The following SERPINB8 variants were observed in gnomAD, a reference collection of about 807,000 sequenced individuals.
SERPINB8 encodes serpin family B member 8.
SERPINB8 carries 25 observed loss-of-function variants against 35.3 expected under a neutral mutation model. The observed-to-expected ratio is 0.71, with a 90% CI of 0.52 to 0.99. SERPINB8 has a LOEUF of 0.99. Among genes scored for constraint, SERPINB8 ranks in the 50% least tolerant of loss-of-function variants. SERPINB8 has a pLI of 0.00. For missense variants in SERPINB8, 484 were observed against 446.5 expected (o/e 1.08, Z -0.76); for synonymous variants, 186 against 160.8 (o/e 1.16, Z -1.19).
At chr18:63,993,769 G>A (rs993053320), downstream of SERPINB8, among the ~76,000 whole-genome samples, 1 of 152,216 alleles carries the variant, frequency 6.6e-6, no homozygotes. Flanking sequence ...GTGGGGGGAA[G>A]CTGCCCTGCT....
In SERPINB8 at chr18:63,978,432, G is replaced by T. The variant is rs368523180; in HGVS notation, c.124G>T (p.Val42Phe). The T allele has an allele frequency of 1.1e-5, 17 of 1,614,076 alleles. No individual in the cohort carries two copies. The highest frequency in any genetic ancestry group is 1.4e-5 in the Non-Finnish European group (17 of 1,180,030). The stretch of plus-strand genomic sequence containing the variant: ...GAGCATCTCCTCTGCCCTGGCCATG[G>T]TCTTCATGGGGGCAAAGGGAAGCAC... ...PMSISSALAMVFMGAKGSTAA... is the reference protein window; with the variant it reads ...PMSISSALAMFFMGAKGSTAA... Residue 42 changes from valine to phenylalanine, a missense_variant, in exon 2 of 7, where the codon GTC becomes TTC. Coordinates refer to ENST00000397985, the MANE Select transcript of SERPINB8 (RefSeq NM_002640.4).
chr18:64,003,032 T>G (rs2050883538), intron 1 of SERPINB8, among the ~76,000 whole-genome samples: 1 of 152,138 alleles, frequency 6.6e-6, no homozygotes, highest in African/African-American at 2.4e-5. Flanking sequence ...CATTTCCATC[T>G]CCTCTCCTCG....
chr18:63,999,272 T>A (rs2050863630), intron 1 of SERPINB8, among the ~76,000 whole-genome samples: 1 of 152,144 alleles, frequency 6.6e-6, no homozygotes, highest in South Asian at 2.1e-4. Context: ...CATATGTAAA[T>A]CTTTGGCTGC....
chr18:64,011,150 A>G (rs1251465058), intron 7 of SERPINB8, among the ~76,000 whole-genome samples: 2 of 152,086 alleles, frequency 1.3e-5, no homozygotes, highest in Non-Finnish European at 1.5e-5. Context: ...AAAGACAAAA[A>G]TCTTTTAGAT....
At chr18:63,990,842 A>G (rs1484355787), downstream of SERPINB8, among the ~76,000 whole-genome samples, 2 of 152,190 alleles carry the variant, frequency 1.3e-5, no homozygotes, top group Non-Finnish European at 2.9e-5. Flanking sequence ...TTTTGTTGTC[A>G]TATTGAAGGA....
intron 1 of SERPINB8, among the ~76,000 whole-genome samples, chr18:64,001,255 T>G (rs936343022): frequency 1.3e-5 from 2 of 152,162 alleles, no homozygotes; most frequent in African/African-American, 4.8e-5. Context: ...AGGAAGTGAA[T>G]TTTTTTATAA....
Position 63,997,000 on chromosome 18 carries a change from C to A in SERPINB8, c.71-7819C>A, listed in dbSNP as rs543182733. On this transcript the variant is annotated intron_variant, in intron 1 of 1. Coordinates refer to the SERPINB8 transcript ENST00000493661. Reference sequence around the variant, plus strand: ...TACCACAGCCATCCAAGTACCCTCCCTTCCCCTGGACCCCATGGATCCACA... The same window carrying A: ...TACCACAGCCATCCAAGTACCCTCCATTCCCCTGGACCCCATGGATCCACA... 1.1e-4 allele frequency among the ~76,000 whole-genome samples: 17 copies of A among 152,356 alleles called. 1 individual carries two copies. In the South Asian group the frequency reaches 3.1e-3, roughly 28 times the overall value.
chr18:63,985,071 C>A, intron 5 of SERPINB8, 22 bp from the exon 6 acceptor site: 2 of 1,611,846 alleles, frequency 1.2e-6, no homozygotes, highest in South Asian at 1.1e-5. Context: ...TTTCAGTAAT[C>A]GAACTTTAAT....
chr18:63,980,176 C>G (rs768784655), intron 3 of SERPINB8, among the ~76,000 whole-genome samples: 7 of 152,106 alleles, frequency 4.6e-5, no homozygotes, highest in Non-Finnish European at 1.0e-4. Flanking sequence ...CCTGCTTCTC[C>G]CCCTTAATTC....
At chr18:63,982,647 T>C (rs1202468988) in intron 4 of SERPINB8, among the ~76,000 whole-genome samples, 1 of 152,114 alleles carries the variant, frequency 6.6e-6, no homozygotes, top group African/African-American at 2.4e-5. Flanking sequence ...GGAAGAGCCT[T>C]TTGTGTTTTC....
chr18:63,998,122 A>G (rs546861778), intron 1 of SERPINB8, among the ~76,000 whole-genome samples: 1 of 152,316 alleles, frequency 6.6e-6, no homozygotes, highest in South Asian at 2.1e-4. Flanking sequence ...CTGCTCAGGG[A>G]CAGATCCTTC....
intron 1 of SERPINB8, among the ~76,000 whole-genome samples, chr18:63,997,237 G>A (rs1034283741): frequency 5.9e-5 from 9 of 152,212 alleles, no homozygotes; most frequent in Non-Finnish European, 8.8e-5. Flanking sequence ...CGTGACTCAC[G>A]GCTGTGACAT....
intron 1 of SERPINB8, among the ~76,000 whole-genome samples, chr18:63,971,536 G>A (rs1389690688): frequency 1.3e-5 from 2 of 152,164 alleles, no homozygotes; most frequent in East Asian, 1.9e-4. Flanking sequence ...ACAGCTAGGC[G>A]CCTCGGGACT....
chr18:63,996,871 A>C (rs1369229111), intron 1 of SERPINB8, among the ~76,000 whole-genome samples: 1 of 152,214 alleles, frequency 6.6e-6, no homozygotes, highest in East Asian at 1.9e-4. Context: ...GGGCTTATTC[A>C]TCTACTGTTA....
chr18:63,979,413 T>G (rs190480046), intron 2 of SERPINB8, among the ~76,000 whole-genome samples: 1 of 152,336 alleles, frequency 6.6e-6, no homozygotes, highest in East Asian at 1.9e-4. Flanking sequence ...CACACTGCCT[T>G]GCTGGCATGA....
Position 63,983,799 on chromosome 18 carries a change from A to G in SERPINB8, c.567+78A>G, listed in dbSNP as rs1297119729. ...GAAATATTCTCTTGGAAAAATGAAT[A>G]ATTTATTTGACATGATCTTGATTTT... On this transcript the variant is annotated intron_variant, in intron 5 of 6. Coordinates refer to ENST00000397985, the MANE Select transcript of SERPINB8 (RefSeq NM_002640.4). The G allele has an allele frequency of 1.0e-5, 10 of 994,942 alleles. No homozygotes were observed. The Admixed American group carries it at 2.0e-4, about 20-fold the overall frequency. 61.6% of individuals were successfully genotyped at this position (994,942 alleles called of 1,614,324 possible).
At chr18:64,019,288 A>G (rs1383076588) in exon 8 of SERPINB8, 1 of 152,610 alleles carries the variant, frequency 6.6e-6, no homozygotes, top group Non-Finnish European at 1.5e-5. Context: ...TCCTGCATCC[A>G]GTCACTTCTG....
At chr18:63,983,790 A>T (rs1405259928) in intron 5 of SERPINB8, 69 bp downstream of exon 5, 1 of 1,051,928 alleles carries the variant, frequency 9.5e-7, no homozygotes, top group African/African-American at 1.6e-5. Context: ...TTCTCTTGGA[A>T]AAATGAATAA....
chr18:63,977,395 C>T (rs978387125), intron 1 of SERPINB8, among the ~76,000 whole-genome samples: 4 of 151,708 alleles, frequency 2.6e-5, no homozygotes, highest in South Asian at 2.1e-4. Flanking sequence ...GGCGTGATCT[C>T]GGCTCTCTGC....
Sources: allele counts gnomAD v4.1 joint callset (sites outside exome capture counted in the v4.1 genomes callset), GRCh38; gene constraint gnomAD v4.1.1; transcripts MANE v1.5; gene names NCBI Gene and HGNC (gene_info 2026-07-23, HGNC 2026-07-21).